NRG1: variants seen among roughly 807,000 people sequenced by gnomAD.
NRG1 encodes the protein neuregulin 1, also known as pro-neuregulin-1, membrane-bound isoform.
A neutral mutation model predicts 63.8 loss-of-function variants in NRG1; 18 were observed. The observed-to-expected ratio is 0.28, with a 90% CI of 0.19 to 0.42. The LOEUF is 0.42. Among genes scored for constraint, NRG1 ranks in the 10% least tolerant of loss-of-function variants. The pLI, the probability that NRG1 is intolerant of heterozygous loss-of-function variation, is 1.00. For missense variants in NRG1, 762 were observed against 814.7 expected (o/e 0.94, Z 0.79); for synonymous variants, 302 against 301.3 (o/e 1.00, Z -0.02).
At chr8:31,852,257 C>T (rs1827316846) in intron 1 of NRG1, among the ~76,000 whole-genome samples, 1 of 151,780 alleles carries the variant, frequency 6.6e-6, no homozygotes, top group East Asian at 2.0e-4. Flanking sequence ...TCTCCACATC[C>T]TCTCCAGCAC....
intron 1 of NRG1, among the ~76,000 whole-genome samples, chr8:32,149,282 T>C (rs1258158306): frequency 1.3e-5 from 2 of 152,250 alleles, no homozygotes; most frequent in African/African-American, 4.8e-5. Flanking sequence ...TTATGCTAAA[T>C]GCAGACAATT....
chr8:32,130,063 A>G (rs1422141546), intron 1 of NRG1, among the ~76,000 whole-genome samples: 2 of 151,976 alleles, frequency 1.3e-5, no homozygotes, highest in Admixed American at 1.3e-4. Context: ...TTTAGTTGCC[A>G]TTGAAAGACG....
intron 1 of NRG1, among the ~76,000 whole-genome samples, chr8:31,856,405 T>C (rs1197198636): frequency 6.6e-6 from 1 of 152,224 alleles, no homozygotes. Flanking sequence ...TTGATTGCAT[T>C]GGCTCTTGAG....
chr8:32,555,402 C>T (rs1834930123), intron 1 of NRG1, among the ~76,000 whole-genome samples: 1 of 152,198 alleles, frequency 6.6e-6, no homozygotes, highest in African/African-American at 2.4e-5. Flanking sequence ...TTAGGAGCCC[C>T]ACTTTGATTG....
At chr8:31,775,115 A>G (rs955740046) in intron 1 of NRG1, among the ~76,000 whole-genome samples, 1 of 152,220 alleles carries the variant, frequency 6.6e-6, no homozygotes, top group African/African-American at 2.4e-5. Context: ...AAAACAAATC[A>G]TTTTATTAAA....
intron 1 of NRG1, among the ~76,000 whole-genome samples, chr8:31,783,818 G>A (rs1819929668): frequency 6.6e-6 from 1 of 152,054 alleles, no homozygotes; most frequent in African/African-American, 2.4e-5. Flanking sequence ...GGCCTCGCAT[G>A]GTATGGTATC....
In NRG1 at chr8:32,172,579, G is replaced by A. The variant is rs564635894; in HGVS notation, c.38-423249G>A. On this transcript the variant is annotated intron_variant, in intron 1 of 10. Coordinates refer to the NRG1 transcript ENST00000519301. ...GGAAGTTTGAACCCATGGCAAAGAA[G>A]TTAAAAACCTTGAAAAAAATTAGAT... 3.9e-5 allele frequency among the ~76,000 whole-genome samples: 6 copies of A among 152,218 alleles called. No homozygotes were observed. The East Asian group carries it at 1.2e-3, about 29-fold the overall frequency.
chr8:32,217,990 G>A (rs1480936619), intron 1 of NRG1, among the ~76,000 whole-genome samples: 1 of 152,216 alleles, frequency 6.6e-6, no homozygotes, highest in Non-Finnish European at 1.5e-5. Context: ...CAACCTGTGA[G>A]TGTTGAAGTC....
At chr8:32,565,920 GGTAA>G (rs1837349633) in intron 1 of NRG1, among the ~76,000 whole-genome samples, 1 of 152,112 alleles carries the variant, frequency 6.6e-6, no homozygotes, top group African/African-American at 2.4e-5. Context: ...CTGCCGAGAA[GGTAA>G]GTGTTACTGC....
chr8:32,347,458 G>A (rs896186549), intron 1 of NRG1, among the ~76,000 whole-genome samples: 1 of 152,140 alleles, frequency 6.6e-6, no homozygotes, highest in Non-Finnish European at 1.5e-5. Context: ...CAGAAAGTCA[G>A]TGTCAACTCA....
At chr8:32,548,598 C>T in exon 1 of NRG1, 1 of 1,347,844 alleles carries the variant, frequency 7.4e-7, no homozygotes, top group Non-Finnish European at 9.5e-7. Flanking sequence ...CCGCGCAGCG[C>T]GAGCGCCTCA....
intron 1 of NRG1, among the ~76,000 whole-genome samples, chr8:32,313,023 G>A (rs531443538): frequency 4.5e-4 from 68 of 152,128 alleles, no homozygotes; most frequent in African/African-American, 1.5e-3. Context: ...TGTGGTGGTG[G>A]ACGCCTGTAA....
At chr8:31,870,747 T>A (rs1404672120) in intron 1 of NRG1, among the ~76,000 whole-genome samples, 2 of 151,836 alleles carry the variant, frequency 1.3e-5, no homozygotes, top group East Asian at 3.9e-4. Flanking sequence ...TATTTATTTA[T>A]TTTTTTTAGT....
chr8:32,287,378 G>A (rs1853658039), intron 1 of NRG1: 1 of 152,166 alleles, frequency 6.6e-6, no homozygotes, highest in South Asian at 2.1e-4. Context: ...TACAGGGAGG[G>A]GTGCAATTTG....
rs1826035769 is a variant in NRG1, at chr8:32,073,406, T to C, written c.37+433975T>C. Among the ~76,000 whole-genome samples the C allele has an allele frequency of 2.6e-5, 4 of 152,238 alleles. No individual in the cohort carries two copies. In the South Asian group the frequency reaches 8.3e-4, roughly 32 times the overall value. On this transcript the variant is annotated intron_variant, in intron 1 of 10. Coordinates refer to the NRG1 transcript ENST00000519301. ...AGAAAATAGAACACAGGAATAAAAATGGAAAAGTCCTGGCAGATTTCTCCG... is the reference window on the plus strand; with the variant it reads ...AGAAAATAGAACACAGGAATAAAAACGGAAAAGTCCTGGCAGATTTCTCCG...
intron 1 of NRG1, among the ~76,000 whole-genome samples, chr8:31,793,378 A>G (rs1341641867): frequency 6.6e-6 from 1 of 152,238 alleles, no homozygotes; most frequent in Admixed American, 6.5e-5. Flanking sequence ...AGTCTCAATG[A>G]AACAGAAAAC....
chr8:32,728,322 G>T, intron 6 of NRG1: 10 of 982,992 alleles, frequency 1.0e-5, no homozygotes, highest in Non-Finnish European at 1.2e-5. Context: ...TTTGTTTTTT[G>T]CCATGTTATT....
intron 1 of NRG1, among the ~76,000 whole-genome samples, chr8:31,838,462 T>C (rs1825883802): frequency 1.3e-5 from 2 of 152,318 alleles, no homozygotes; most frequent in South Asian, 4.1e-4. Context: ...AGATTCAGCT[T>C]GTCTATTTCA....
chr8:31,867,914 A>G (rs1306924655), intron 1 of NRG1, among the ~76,000 whole-genome samples: 1 of 152,156 alleles, frequency 6.6e-6, no homozygotes, highest in African/African-American at 2.4e-5. Context: ...GGTATATTGT[A>G]AAAGATAATT....
Sources: allele counts gnomAD v4.1 joint callset (sites outside exome capture counted in the v4.1 genomes callset), GRCh38; gene constraint gnomAD v4.1.1; transcripts MANE v1.5; gene names NCBI Gene and HGNC (gene_info 2026-07-23, HGNC 2026-07-21).